The following DMD variants were observed in gnomAD, a reference collection of about 807,000 sequenced individuals.
The protein encoded by DMD is dystrophin.
Under a neutral mutation model 330.1 loss-of-function variants are expected in DMD, and 63 were observed. The ratio of observed to expected loss-of-function variants is 0.19; its 90% CI spans 0.16 to 0.24. The LOEUF is 0.24. DMD is among the 10% of genes least tolerant of loss of function. The pLI is 1.00. For missense variants in DMD, 3,344 were observed against 2,684.1 expected (o/e 1.25, Z -5.43); for synonymous variants, 1,223 against 959.8 (o/e 1.27, Z -5.07).
At chrX:32,654,848 A>G (rs2060442083) in intron 9 of DMD, among the ~76,000 whole-genome samples, 1 of 111,442 alleles carries the variant, frequency 9.0e-6, no homozygotes, top group African/African-American at 3.3e-5. Flanking sequence ...TGGTCTATTC[A>G]GGGATTCAAC....
chrX:32,648,815 C>T (rs967633938), intron 9 of DMD, among the ~76,000 whole-genome samples: 2 of 111,643 alleles, frequency 1.8e-5, no homozygotes, highest in Non-Finnish European at 3.8e-5. Context: ...ATGTTTTTAT[C>T]ATCACAGAAT....
chrX:31,931,728 T>C (rs941476189), intron 46 of DMD, among the ~76,000 whole-genome samples: 11 of 111,641 alleles, frequency 9.9e-5, no homozygotes, highest in Non-Finnish European at 1.1e-4. Context: ...TTTAAAATTA[T>C]ATGAAGTTGT....
rs1441808399 is a variant in DMD, at chrX:32,907,941, G to T, written c.94-58121C>A. Among the ~76,000 whole-genome samples the T allele has an allele frequency of 4.6e-5, 5 of 109,746 alleles. No individual in the cohort carries two copies. In the Admixed American group the frequency reaches 4.9e-4, roughly 11 times the overall value. ...TAAATACTGTTAAACACAAAATCAG[G>T]TGCCCACAGCTCACAAATCTACACA... On this transcript the variant is annotated intron_variant, in intron 2 of 78. Transcript: ENST00000357033.
At chrX:31,265,896 G>A (rs2051014736) in intron 62 of DMD, among the ~76,000 whole-genome samples, 1 of 107,366 alleles carries the variant, frequency 9.3e-6, no homozygotes, top group Admixed American at 1.0e-4. Flanking sequence ...CCACTTAAAA[G>A]TTCACCACTT....
At chrX:31,868,760 A>T (rs67003076) in intron 48 of DMD, among the ~76,000 whole-genome samples, 11,158 of 111,178 alleles carry the variant, frequency 0.1, 438 homozygotes, top group Non-Finnish European at 0.11. Flanking sequence ...ATCTATAGGT[A>T]TTTTACTTCA....
chrX:32,381,618 T>C (rs749219206), intron 33 of DMD, among the ~76,000 whole-genome samples: 20 of 111,640 alleles, frequency 1.8e-4, no homozygotes, highest in Non-Finnish European at 3.8e-4. Context: ...GAAAGTTCCT[T>C]GAACAAAGAA....
At chrX:32,072,172 T>C (rs2096305069) in intron 44 of DMD, among the ~76,000 whole-genome samples, 1 of 111,516 alleles carries the variant, frequency 9.0e-6, no homozygotes, top group South Asian at 3.7e-4. Flanking sequence ...GAACTCTGTA[T>C]CTTGAGCGGT....
intron 7 of DMD, among the ~76,000 whole-genome samples, chrX:32,772,828 G>C (rs897980813): frequency 9.0e-6 from 1 of 111,557 alleles, no homozygotes; most frequent in African/African-American, 3.3e-5. Flanking sequence ...AATTACCCGT[G>C]ATGGCTAACA....
At chrX:32,428,891 C>T (rs2098224291) in intron 29 of DMD, among the ~76,000 whole-genome samples, 1 of 111,572 alleles carries the variant, frequency 9.0e-6, no homozygotes, top group Non-Finnish European at 1.9e-5. Flanking sequence ...GGATTAGAGG[C>T]GTGAGCCACC....
At chrX:31,855,730 A>T (rs185895585) in intron 48 of DMD, among the ~76,000 whole-genome samples, 2,353 of 81,051 alleles carry the variant, frequency 0.029, 52 homozygotes, top group African/African-American at 0.084. Flanking sequence ...GTATTTTTTT[A>T]AAAAAAAACA....
chrX:33,251,635 A>G, intron 1 of DMD, among the ~76,000 whole-genome samples: 1 of 112,147 alleles, frequency 8.9e-6, no homozygotes, highest in East Asian at 2.8e-4. Context: ...CAATAGATAT[A>G]TGACCATCAG....
intron 18 of DMD, among the ~76,000 whole-genome samples, chrX:32,504,822 A>G (rs1386748788): frequency 9.0e-6 from 1 of 110,890 alleles, no homozygotes. Flanking sequence ...CTCAGCACCA[A>G]ACCTCAGTGT....
rs188843205 is a variant in DMD at position 32,782,813 on chromosome X, G to A, written c.649+26680C>T. On this transcript the variant is annotated intron_variant, in intron 7 of 78. Transcript: ENST00000357033. Reference sequence around the variant, plus strand: ...TGAGGTGACATGCTATTCTCATGACGTGCTTATTCCATATTGTATGCCTCT... The same window carrying A: ...TGAGGTGACATGCTATTCTCATGACATGCTTATTCCATATTGTATGCCTCT... Among the ~76,000 whole-genome samples the A allele has an allele frequency of 1.2e-3, 129 of 108,563 alleles. 2 individuals are homozygous for A. Among genetic ancestry groups the A allele is most frequent in the Middle Eastern group, 4.8e-3 (1 of 207 alleles). 94.3% of individuals were successfully genotyped at this position (108,563 alleles called of 115,157 possible).
chrX:31,903,873 G>A (rs5971604), intron 47 of DMD, among the ~76,000 whole-genome samples: 12,847 of 110,829 alleles, frequency 0.12, 752 homozygotes, highest in Non-Finnish European at 0.18. Context: ...TAAAAATTAC[G>A]TCAAAGATAT....
intron 42 of DMD, among the ~76,000 whole-genome samples, chrX:32,301,275 G>A (rs971769927): frequency 9.3e-6 from 1 of 107,232 alleles, no homozygotes; most frequent in Non-Finnish European, 1.9e-5. Flanking sequence ...TGATATGGGA[G>A]CAGGAAGCTA....
At chrX:31,758,167 T>C (rs748423988) in intron 51 of DMD, among the ~76,000 whole-genome samples, 1 of 111,914 alleles carries the variant, frequency 8.9e-6, no homozygotes, top group Admixed American at 9.5e-5. Flanking sequence ...TCTAGAATGC[T>C]CTTAATCTAA....
At chrX:33,184,720 C>CTTTT (rs11317329) in intron 1 of DMD, among the ~76,000 whole-genome samples, 54 of 50,996 alleles carry the variant, frequency 1.1e-3, no homozygotes, top group African/African-American at 1.5e-3. Context: ...TTTTTTCTTT[C>CTTTT]TTTTTTTTTT....
intron 26 of DMD, among the ~76,000 whole-genome samples, chrX:32,452,636 A>G (rs1323853343): frequency 2.7e-5 from 3 of 111,052 alleles, no homozygotes; most frequent in African/African-American, 9.8e-5. Context: ...TTTTCTGATA[A>G]GCAGAGAGAG....
chrX:32,649,506 A>T (rs1387470975), intron 9 of DMD, among the ~76,000 whole-genome samples: 2 of 101,900 alleles, frequency 2.0e-5, no homozygotes, highest in Non-Finnish European at 3.9e-5. Context: ...CAGTGAGCCG[A>T]GAAAGCGCCA....
Sources: allele counts gnomAD v4.1 joint callset (sites outside exome capture counted in the v4.1 genomes callset), GRCh38; gene constraint gnomAD v4.1.1; transcripts MANE v1.5; gene names NCBI Gene and HGNC (gene_info 2026-07-23, HGNC 2026-07-21).